Variants in CAMKK1 observed in about 807,000 individuals in gnomAD.
The protein encoded by CAMKK1 is calcium/calmodulin-dependent protein kinase kinase 1.
A neutral mutation model predicts 63.5 loss-of-function variants in CAMKK1; 20 were observed. The observed-to-expected ratio is 0.32, with a 90% CI of 0.22 to 0.46. CAMKK1 has a LOEUF of 0.46. CAMKK1 is among the 20% of genes least tolerant of loss of function. The pLI, the probability that CAMKK1 is intolerant of heterozygous loss-of-function variation, is 1.00. For missense variants in CAMKK1, 588 were observed against 658.1 expected (o/e 0.89, Z 1.17); for synonymous variants, 253 against 269.0 (o/e 0.94, Z 0.58).
chr17:3,861,142 GGCCACCT>G lies in CAMKK1; in HGVS notation c.*1062_*1068del, dbSNP rs1325034681. On this transcript the variant is annotated 3_prime_UTR_variant, in exon 16 of 16. Coordinates refer to ENST00000348335, the MANE Select transcript of CAMKK1 (RefSeq NM_032294.3). ...CTCAGGGTGAGGCAATTGCCGCAGA[GGCCACCT>G]GCCAGCGTGCACACCCCTCCAGGTT... The G allele has an allele frequency of 6.6e-6, 1 of 152,374 alleles. No individual in the cohort carries two copies. Among genetic ancestry groups the G allele is most frequent in the Non-Finnish European group, 1.5e-5 (1 of 68,152 alleles). 9.4% of individuals were successfully genotyped at this position (152,374 alleles called of 1,614,324 possible).
At chr17:3,876,915 G>A (rs1022936770) in intron 9 of CAMKK1, among the ~76,000 whole-genome samples, 2 of 151,898 alleles carry the variant, frequency 1.3e-5, no homozygotes, top group African/African-American at 2.4e-5. Context: ...CTGCCACCAC[G>A]CCCGGCTACT....
At chr17:3,866,933 C>A (rs2054551015) in intron 14 of CAMKK1, among the ~76,000 whole-genome samples, 1 of 152,160 alleles carries the variant, frequency 6.6e-6, no homozygotes, top group Non-Finnish European at 1.5e-5. Flanking sequence ...GTTGGCCAGG[C>A]TGGTCTCAAA....
intron 9 of CAMKK1, among the ~76,000 whole-genome samples, chr17:3,877,338 A>T (rs1010049616): frequency 6.6e-6 from 1 of 152,138 alleles, no homozygotes; most frequent in Admixed American, 6.6e-5. Context: ...GGTCAGCCAC[A>T]TATAGTAGGA....
rs768794991 is a variant in CAMKK1 at position 3,862,298 on chromosome 17, C to T, written c.1446-15G>A. ...ACCCTTCTTTCCTGTTCAGGGGACA[C>T]CAGGGACAGAGGGACCTCAGGGTCA... is the stretch of plus-strand genomic sequence containing the variant. On this transcript the variant is annotated splice_polypyrimidine_tract_variant and intron_variant, in intron 15 of 15. Coordinates refer to ENST00000348335, the MANE Select transcript of CAMKK1 (RefSeq NM_032294.3). This position sits in a 1 kb window ranked among gnomAD's most constrained non-coding sequence, Gnocchi z 4.1. 12 of 1,566,878 alleles carry T rather than the reference C, an allele frequency of 7.7e-6. No homozygotes were observed. In the East Asian group the frequency reaches 9.4e-5, roughly 12 times the overall value.
chr17:3,870,655 A>G (rs565755810), intron 12 of CAMKK1, among the ~76,000 whole-genome samples: 48 of 151,850 alleles, frequency 3.2e-4, no homozygotes, highest in East Asian at 2.7e-3. Flanking sequence ...GTGAGCCACC[A>G]CGCCCGGCCA....
intron 14 of CAMKK1, 150 bp from the exon 15 acceptor site, chr17:3,866,161 C>T (rs975603363): frequency 8.6e-5 from 79 of 921,336 alleles, no homozygotes; most frequent in African/African-American, 4.3e-4. Context: ...GGCAAGAACA[C>T]GGGGCGCTGG....
At position 3,872,558 on chromosome 17, in the gene CAMKK1, C is replaced by G. The variant is rs2054936522; in HGVS notation, c.1120G>C (p.Glu374Gln). Residue 374 changes from glutamate (E) to glutamine (Q), a missense_variant, in exon 12 of 16, where the codon GAG (glutamate) becomes CAG (glutamine). Glu to Gln is a conservative substitution (Grantham distance 29). Around this residue, in one of 3 missense-constraint regions of CAMKK1, gnomAD observed 226 missense variants for 229.2 expected, o/e 0.99. Transcript: ENST00000348335. ...TCCCCTGGGTGGACAACTCACTCCT[C>G]AGGAAACACCACGGGCTCATTCTTG... ...KIKNEPVVFPEEPEISEELKD... is the reference protein window; with the variant it reads ...KIKNEPVVFPQEPEISEELKD... The G allele has an allele frequency of 6.2e-7, 1 of 1,613,812 alleles. No individual in the cohort carries two copies.
Position 3,883,037 on chromosome 17 carries a change from C to T in CAMKK1, c.648+5G>A, listed in dbSNP as rs1011374993. ...GGTTCCCACCTGCTCACCACCACCC[C>T]CTACCTCGATCAGTTTGACCACATT... is the stretch of plus-strand genomic sequence containing the variant. On this transcript the variant is annotated splice_donor_5th_base_variant and intron_variant, in intron 6 of 15. Transcript: ENST00000348335. This position sits in a 1 kb window ranked among gnomAD's most constrained non-coding sequence, Gnocchi z 4.7. The T allele has an allele frequency of 6.2e-7, 1 of 1,613,854 alleles. No homozygotes were observed. Among genetic ancestry groups the T allele is most frequent in the Non-Finnish European group, 8.5e-7 (1 of 1,179,948 alleles).
chr17:3,865,838 A>G, intron 15 of CAMKK1, 70 bp downstream of exon 15: 4 of 1,597,942 alleles, frequency 2.5e-6, no homozygotes, highest in Middle Eastern at 1.7e-4. Context: ...TGAGAGTGGG[A>G]GGATGGGCCT....
Position 3,882,105 on chromosome 17 carries a change from A to G in CAMKK1, c.685+423T>C. ...AATAACATTACTATTAACAAGGATA[A>G]TAACGAATGTGCTTTACATATAATT... On this transcript the variant is annotated intron_variant, in intron 7 of 15. Transcript: ENST00000348335. The surrounding 1 kb of genome is among the most constrained non-coding windows in gnomAD (Gnocchi z 4.3). 2 of 591,348 alleles carry G rather than the reference A, an allele frequency of 3.4e-6. No individual in the cohort carries two copies. The highest frequency in any genetic ancestry group is 3.2e-5 in the Admixed American group (1 of 31,188). The allele number at this position is 591,348 out of a possible 1,614,324, so 36.6% of individuals were successfully genotyped here.
At chr17:3,866,077 G>C in intron 14 of CAMKK1, 66 bp from the exon 15 acceptor site, 2 of 1,571,168 alleles carry the variant, frequency 1.3e-6, no homozygotes, top group Non-Finnish European at 1.7e-6. Context: ...CCTCTGCTCC[G>C]ATTCCCCGAG....
rs1031906414 is a variant in CAMKK1, at chr17:3,871,937, C to T, written c.1124+617G>A. ...CTGGGATTACAGGCGTGAGCCACCG[C>T]ACCCGGCCTCCATTTCACTCCTGAA... On this transcript the variant is annotated intron_variant, in intron 12 of 15. Coordinates refer to ENST00000348335, the MANE Select transcript of CAMKK1 (RefSeq NM_032294.3). Among the ~76,000 whole-genome samples the T allele has an allele frequency of 1.4e-4, 21 of 152,214 alleles. 1 individual carries two copies. Among genetic ancestry groups the T allele is most frequent in the Admixed American group, 6.5e-4 (10 of 15,280 alleles).
At chr17:3,877,769 A>G (rs1182273411) in intron 9 of CAMKK1, among the ~76,000 whole-genome samples, 3 of 152,166 alleles carry the variant, frequency 2.0e-5, no homozygotes, top group Non-Finnish European at 4.4e-5. Flanking sequence ...ATATTTGACC[A>G]TGGAAAGTGG....
chr17:3,885,665 C>A lies in CAMKK1; in HGVS notation c.23G>T (p.Cys8Phe). 1 of 1,613,416 alleles carries A rather than the reference C, an allele frequency of 6.2e-7. No homozygotes were observed. Among genetic ancestry groups the A allele is most frequent in the Non-Finnish European group, 8.5e-7 (1 of 1,180,014 alleles). Residue 8 changes from cysteine (C) to phenylalanine (F), a missense_variant, in exon 2 of 16, where the codon TGC becomes TTC. Cys to Phe is a radical substitution (Grantham distance 205). Around this residue, in one of 3 missense-constraint regions of CAMKK1, gnomAD observed 357 missense variants for 407.4 expected, o/e 0.88. Transcript: ENST00000348335. MEGGPAV[C>F]CQDPRAELVE... is the part of the protein sequence containing the mutation. Reference sequence around the variant, plus strand: ...CAGCTCTGCCCGAGGATCCTGGCAGCAGACAGCTGGACCCCCCTCCATTGC... The same window carrying A: ...CAGCTCTGCCCGAGGATCCTGGCAGAAGACAGCTGGACCCCCCTCCATTGC...
Position 3,872,528 on chromosome 17 carries a change from C to T in CAMKK1, c.1124+26G>A, listed in dbSNP as rs758278048. 3.1e-6 allele frequency: 5 copies of T among 1,602,232 alleles called. No homozygotes were observed. The African/African-American group carries it at 5.3e-5, about 17-fold the overall frequency. ...GACACCAGGAGCGGGTGGTAGCCCC[C>T]TTGTTCCCCTGGGTGGACAACTCAC... On this transcript the variant is annotated intron_variant, in intron 12 of 15. Coordinates refer to ENST00000348335, the MANE Select transcript of CAMKK1 (RefSeq NM_032294.3).
chr17:3,870,986 C>T (rs528310507), intron 12 of CAMKK1, among the ~76,000 whole-genome samples: 26 of 152,220 alleles, frequency 1.7e-4, no homozygotes, highest in African/African-American at 4.8e-4. Context: ...AACCCGGAGA[C>T]GTGTGAATGC....
Position 3,882,053 on chromosome 17 carries a change from C to A in CAMKK1, c.686-405G>T, listed in dbSNP as rs1052306269. On this transcript the variant is annotated intron_variant, in intron 7 of 15. Coordinates refer to ENST00000348335, the MANE Select transcript of CAMKK1 (RefSeq NM_032294.3). This position sits in a 1 kb window ranked among gnomAD's most constrained non-coding sequence, Gnocchi z 4.3. Reference sequence around the variant, plus strand: ...TTCTGAGGCCTCCTCTAAGCCCAGCCCTGAACCAGACACAAGGAACTAAAA... The same window carrying A: ...TTCTGAGGCCTCCTCTAAGCCCAGCACTGAACCAGACACAAGGAACTAAAA... The A allele has an allele frequency of 1.8e-6, 1 of 553,852 alleles. No individual in the cohort carries two copies. The highest frequency in any genetic ancestry group is 3.4e-5 in the Admixed American group (1 of 29,314). 34.3% of individuals were successfully genotyped at this position (553,852 alleles called of 1,614,324 possible).
chr17:3,870,101 T>C (rs2054773808), intron 12 of CAMKK1, among the ~76,000 whole-genome samples: 1 of 152,196 alleles, frequency 6.6e-6, no homozygotes, highest in East Asian at 1.9e-4. Context: ...CCATGGGTGC[T>C]GGACACCCCA....
At position 3,887,640 on chromosome 17, in the gene CAMKK1, G is replaced by T. The variant is rs2055711253; in HGVS notation, c.-43-1910C>A. On this transcript the variant is annotated intron_variant, in intron 1 of 15. Transcript: ENST00000348335. The surrounding 1 kb of genome is among the most constrained non-coding windows in gnomAD (Gnocchi z 6.1). ...TGTGGCACAGGGAGGCCTCCCTGGA[G>T]GAGGTGAGAGAGGACAGAGAGTGGG... is the stretch of plus-strand genomic sequence containing the variant. 6.6e-6 allele frequency among the ~76,000 whole-genome samples: 1 copy of T among 151,234 alleles called. No homozygotes were observed. Among genetic ancestry groups the T allele is most frequent in the Admixed American group, 6.6e-5 (1 of 15,216 alleles).
Sources: gnomAD v4.1 joint callset for allele counts (sites outside exome capture counted in the v4.1 genomes callset) on GRCh38, gnomAD v4.1.1 for gene constraint, gnomAD v4.1.1 regional missense constraint, Gnocchi (gnomAD v3.1) non-coding constraint, MANE v1.5 for transcripts, NCBI Gene and HGNC (gene_info 2026-07-23, HGNC 2026-07-21) for gene names.